The following RPUSD2 variants were observed in gnomAD, a reference collection of about 807,000 sequenced individuals.
The protein encoded by RPUSD2 is pseudouridylate synthase RPUSD2.
In RPUSD2, 31 loss-of-function variants were observed where a neutral mutation model predicts 41.5. The observed-to-expected ratio is 0.75, with a 90% confidence interval of 0.56 to 1.01. The LOEUF is 1.01. RPUSD2 is among the 50% of genes least tolerant of loss of function. The pLI, the probability that RPUSD2 is intolerant of heterozygous loss-of-function variation, is 0.00. For missense variants in RPUSD2, 749 were observed against 724.7 expected (o/e 1.03, Z -0.38); for synonymous variants, 305 against 289.7 (o/e 1.05, Z -0.54).
Position 40,569,397 on chromosome 15 carries a change from G to C in RPUSD2, c.60G>C (p.Arg20Ser). The change falls in exon 1 of 3, where the codon AGG (arginine) becomes AGC (serine). Residue 20 changes from arginine to serine, a missense_variant. Physicochemically the swap from Arg to Ser is moderately radical, Grantham distance 110. Transcript: ENST00000315616. ...RVLGHWRYDLRRPSFTRTWSG... is the reference protein window; with the variant it reads ...RVLGHWRYDLSRPSFTRTWSG... Reference sequence around the variant, plus strand: ...TTGGACATTGGCGCTACGACCTTAGGCGCCCTAGCTTTACCAGGACTTGGA... The same window carrying C: ...TTGGACATTGGCGCTACGACCTTAGCCGCCCTAGCTTTACCAGGACTTGGA... 1 of 1,528,576 alleles carries C rather than the reference G, an allele frequency of 6.5e-7. No individual in the cohort carries two copies. The highest frequency in any genetic ancestry group is 8.7e-7 in the Non-Finnish European group (1 of 1,144,474). 94.7% of individuals were successfully genotyped at this position (1,528,576 alleles called of 1,614,324 possible). A position where few individuals can be genotyped will look rare whatever the true frequency, so the allele number is the denominator to read the frequency against.
intron 2 of RPUSD2, among the ~76,000 whole-genome samples, chr15:40,572,444 T>C (rs1891163415): frequency 6.6e-6 from 1 of 151,738 alleles, no homozygotes; most frequent in African/African-American, 2.4e-5. Context: ...CGGGCACCTA[T>C]AGTCCCAGCT....
rs1021700885 is a variant in RPUSD2, at chr15:40,569,348, A to G, written c.11A>G (p.Asp4Gly). The G allele has an allele frequency of 6.8e-7, 1 of 1,476,994 alleles. No individual in the cohort carries two copies. The highest frequency in any genetic ancestry group is 9.0e-7 in the Non-Finnish European group (1 of 1,114,954). 91.5% of individuals were successfully genotyped at this position (1,476,994 alleles called of 1,614,324 possible). ...GGGGGCAGCGTGGTTATGTGGCTGG[A>G]CCGCCGCGGATGGCTCAGGGTTCTT... Reference protein sequence around the residue: MWLDRRGWLRVLGH... With the variant: MWLGRRGWLRVLGH... The change falls in exon 1 of 3, where the codon GAC (aspartate) becomes GGC (glycine). Residue 4 changes from aspartate to glycine, a missense_variant. Asp to Gly is a moderately conservative substitution (Grantham distance 94). Coordinates refer to ENST00000315616, the MANE Select transcript of RPUSD2 (RefSeq NM_152260.3).
chr15:40,572,041 C>CT, intron 2 of RPUSD2, 141 bp downstream of exon 2: 1 of 863,142 alleles, frequency 1.2e-6, no homozygotes, highest in African/African-American at 1.7e-5. Flanking sequence ...GGCAGGTCAA[C>CT]ACCTAAAGTG....
chr15:40,571,589 C>T lies in RPUSD2; in HGVS notation c.607-15C>T, dbSNP rs1437486182. 1 of 1,612,522 alleles carries T rather than the reference C, an allele frequency of 6.2e-7. No homozygotes were observed. Among genetic ancestry groups the T allele is most frequent in the East Asian group, 2.2e-5 (1 of 44,850 alleles). ...TGCGGTCCCTAGGCTGACTTATTAC[C>T]TATGTCTTTGACAGGACAATGATTT... On this transcript the variant is annotated splice_polypyrimidine_tract_variant and intron_variant, in intron 1 of 2. Coordinates refer to ENST00000315616, the MANE Select transcript of RPUSD2 (RefSeq NM_152260.3).
chr15:40,569,418 T>C lies in RPUSD2; in HGVS notation c.81T>C (p.Thr27=). The stretch of plus-strand genomic sequence containing the variant: ...TTAGGCGCCCTAGCTTTACCAGGAC[T>C]TGGAGTGGCGATAAGGGCCCAATGG... ...YDLRRPSFTR[T]WSGDKGPMAE... is the part of the protein sequence containing the mutation. The change falls in exon 1 of 3, where the codon ACT becomes ACC. Residue 27 remains threonine, a synonymous_variant. Coordinates refer to ENST00000315616, the MANE Select transcript of RPUSD2 (RefSeq NM_152260.3). 1 of 1,551,766 alleles carries C rather than the reference T, an allele frequency of 6.4e-7. No individual in the cohort carries two copies. Among genetic ancestry groups the C allele is most frequent in the Admixed American group, 2.1e-5 (1 of 46,924 alleles).
Position 40,573,963 on chromosome 15 carries a change from C to G in RPUSD2, c.1340C>G (p.Ser447Ter). The part of the protein sequence containing the change: ...PGLTDSTAPS[S>*]ELGKDDLEEL... The stretch of plus-strand genomic sequence containing the variant: ...CTCACAGACTCTACGGCCCCCTCCT[C>G]AGAGTTGGGCAAGGACGACCTGGAA... Residue 447 changes from serine (S) to a stop codon, truncating the protein, a stop_gained, in exon 3 of 3, where the codon TCA (serine) becomes TGA (stop). Coordinates refer to ENST00000315616, the MANE Select transcript of RPUSD2 (RefSeq NM_152260.3). LOFTEE classifies it high-confidence loss of function. The G allele has an allele frequency of 6.2e-7, 1 of 1,614,134 alleles. No individual in the cohort carries two copies. The highest frequency in any genetic ancestry group is 8.5e-7 in the Non-Finnish European group (1 of 1,180,018).
chr15:40,570,006 T>TTGTTTTGTTTTGTTTTGTTC, intron 1 of RPUSD2, 63 bp downstream of exon 1: 1 of 1,441,064 alleles, frequency 6.9e-7, no homozygotes, highest in Non-Finnish European at 9.1e-7. Context: ...TTGTTTTGTT[T>TTGTTTTGTTTTGTTTTGTTC]TGTTTTGTTT....
In RPUSD2 at chr15:40,569,572, G is replaced by T; in HGVS notation, c.235G>T (p.Val79Leu). ...GCCCCCGAAGCCGGCTGGCCGGGAA[G>T]TGGAGCCGGCCCCAGTAGGCGGGGA... ...PGPPKPAGRE[V>L]EPAPVGGEHP... Residue 79 changes from valine to leucine, a missense_variant, in exon 1 of 3, where the codon GTG becomes TTG. Coordinates refer to ENST00000315616, the MANE Select transcript of RPUSD2 (RefSeq NM_152260.3). 2.6e-6 allele frequency: 4 copies of T among 1,534,492 alleles called. No homozygotes were observed. Among genetic ancestry groups the T allele is most frequent in the Non-Finnish European group, 3.5e-6 (4 of 1,142,892 alleles).
chr15:40,569,697 G>A lies in RPUSD2; in HGVS notation c.360G>A (p.Gly120=). The change falls in exon 1 of 3, where the codon GGG becomes GGA. Residue 120 remains glycine (G), a synonymous_variant. Coordinates refer to ENST00000315616, the MANE Select transcript of RPUSD2 (RefSeq NM_152260.3). The part of the protein sequence containing the change: ...VVPPPKKRRT[G]VSFGDEHFAE... ...CGCCCCCGAAGAAGCGGCGGACCGG[G>A]GTGAGCTTCGGAGATGAGCACTTTG... The A allele has an allele frequency of 6.4e-7, 1 of 1,573,244 alleles. No homozygotes were observed. Among genetic ancestry groups the A allele is most frequent in the South Asian group, 1.2e-5 (1 of 86,734 alleles).
At chr15:40,570,470 A>G (rs1171880973) in intron 1 of RPUSD2, among the ~76,000 whole-genome samples, 3 of 152,212 alleles carry the variant, frequency 2.0e-5, no homozygotes, top group Non-Finnish European at 2.9e-5. Context: ...ACCAAAGCCT[A>G]TGTTCCTATA....
chr15:40,573,789 A>G lies in RPUSD2; in HGVS notation c.1166A>G (p.Tyr389Cys). The change falls in exon 3 of 3, where the codon TAC (tyrosine) becomes TGC (cysteine). Residue 389 changes from tyrosine (Y) to cysteine (C), a missense_variant. Tyr to Cys is a radical substitution (Grantham distance 194, BLOSUM62 -2). Transcript: ENST00000315616. Reference protein sequence around the residue: ...LGHPILNDPIYNSVAWGPSRG... With the variant: ...LGHPILNDPICNSVAWGPSRG... ...CATCCCATTCTCAACGACCCCATCTACAACTCAGTTGCCTGGGGTCCTTCT... is the reference window on the plus strand; with the variant it reads ...CATCCCATTCTCAACGACCCCATCTGCAACTCAGTTGCCTGGGGTCCTTCT... 9 of 1,614,208 alleles carry G rather than the reference A, an allele frequency of 5.6e-6. No individual in the cohort carries two copies. Among genetic ancestry groups the G allele is most frequent in the Non-Finnish European group, 7.6e-6 (9 of 1,180,034 alleles).
intron 1 of RPUSD2, among the ~76,000 whole-genome samples, chr15:40,570,725 G>A (rs149961186): frequency 1.7e-4 from 26 of 152,226 alleles, no homozygotes; most frequent in Admixed American, 7.9e-4. Flanking sequence ...TTGATCAATC[G>A]ATTTGCGTCA....
intron 2 of RPUSD2, 48 bp from the exon 3 acceptor site, chr15:40,573,479 A>C (rs751576874): frequency 6.4e-7 from 1 of 1,564,450 alleles, no homozygotes; most frequent in Non-Finnish European, 8.7e-7. Flanking sequence ...TTTGGACTCC[A>C]TGAATTTAGG....
Position 40,571,634 on chromosome 15 carries a change from A to G in RPUSD2, c.637A>G (p.Arg213Gly). The G allele has an allele frequency of 1.2e-6, 2 of 1,614,246 alleles. No individual in the cohort carries two copies. Among genetic ancestry groups the G allele is most frequent in the Non-Finnish European group, 1.7e-6 (2 of 1,180,042 alleles). ...DNDFLRNTVH[R>G]HEPPVTAEPI... ...TGATTTCTTGCGGAACACAGTGCAC[A>G]GGCATGAGCCACCAGTCACAGCAGA... Residue 213 changes from arginine to glycine, a missense_variant, in exon 2 of 3, where the codon AGG becomes GGG. Physicochemically the swap from Arg to Gly is moderately radical, Grantham distance 125 (BLOSUM62 -2). Coordinates refer to ENST00000315616, the MANE Select transcript of RPUSD2 (RefSeq NM_152260.3).
chr15:40,573,206 G>A (rs1208940096), intron 2 of RPUSD2, among the ~76,000 whole-genome samples: 1 of 151,984 alleles, frequency 6.6e-6, no homozygotes, highest in African/African-American at 2.4e-5. Context: ...GTATTTTTTA[G>A]TAGAGACGGG....
rs192112837 is a variant in RPUSD2, at chr15:40,572,434, C to T, written c.903+534C>T. 3.5e-3 allele frequency among the ~76,000 whole-genome samples: 529 copies of T among 152,096 alleles called. 4 individuals carry two copies. Among genetic ancestry groups the T allele is most frequent in the African/African-American group, 0.012 (499 of 41,492 alleles). On this transcript the variant is annotated intron_variant, in intron 2 of 2. Coordinates refer to ENST00000315616, the MANE Select transcript of RPUSD2 (RefSeq NM_152260.3). ...ACAAAAAATTAGCTGGGCGTGGTGGCGGGCACCTATAGTCCCAGCTACTCG... is the reference window on the plus strand; with the variant it reads ...ACAAAAAATTAGCTGGGCGTGGTGGTGGGCACCTATAGTCCCAGCTACTCG...
chr15:40,574,287 T>G lies in RPUSD2; in HGVS notation c.*26T>G, dbSNP rs765731823. 6.3e-7 allele frequency: 1 copy of G among 1,591,276 alleles called. No individual in the cohort carries two copies. The highest frequency in any genetic ancestry group is 8.6e-7 in the Non-Finnish European group (1 of 1,169,418). On this transcript the variant is annotated 3_prime_UTR_variant, in exon 3 of 3. Transcript: ENST00000315616. ...GGGTGTGGCCAATGGAGGGATTGCT[T>G]CTTGGGTTGTGACAAGGATGGGCTA...
Position 40,573,536 on chromosome 15 carries a change from G to A in RPUSD2, c.913G>A (p.Glu305Lys), listed in dbSNP as rs1344735520. ...CTTCCCTCCTATGTAGCTGGAGAAG[G>A]AGTACGTGTGCCGGGTGGAAGGGGA... ...EQVRDRQLEK[E>K]YVCRVEGEFP... The change falls in exon 3 of 3, where the codon GAG becomes AAG. Residue 305 changes from glutamate to lysine, a missense_variant. By Grantham distance (56) the Glu-to-Lys change is moderately conservative (BLOSUM62 1). Transcript: ENST00000315616. The A allele has an allele frequency of 3.7e-6, 6 of 1,611,924 alleles. No individual in the cohort carries two copies. The highest frequency in any genetic ancestry group is 4.2e-6 in the Non-Finnish European group (5 of 1,178,826).
chr15:40,571,799 C>A lies in RPUSD2; in HGVS notation c.802C>A (p.His268Asn). 3 of 1,614,250 alleles carry A rather than the reference C, an allele frequency of 1.9e-6. No homozygotes were observed. The highest frequency in any genetic ancestry group is 3.3e-4 in the Middle Eastern group (2 of 6,062). Reference protein sequence around the residue: ...LGKEHQLKELHPLHRLDRLTS... With the variant: ...LGKEHQLKELNPLHRLDRLTS... Reference sequence around the variant, plus strand: ...CAAGGAGCACCAACTCAAGGAGCTACACCCCTTGCATCGGCTTGACCGCCT... The same window carrying A: ...CAAGGAGCACCAACTCAAGGAGCTAAACCCCTTGCATCGGCTTGACCGCCT... The change falls in exon 2 of 3, where the codon CAC becomes AAC. Residue 268 changes from histidine (H) to asparagine (N), a missense_variant. Transcript: ENST00000315616.
Sources: allele counts gnomAD v4.1 joint callset (sites outside exome capture counted in the v4.1 genomes callset), GRCh38; gene constraint gnomAD v4.1.1; transcripts MANE v1.5; gene names NCBI Gene and HGNC (gene_info 2026-07-23, HGNC 2026-07-21).